The following PCDHGA4 variants were observed in gnomAD, a reference collection of about 807,000 sequenced individuals.
PCDHGA4 encodes protocadherin gamma-A4.
A neutral mutation model predicts 54.6 loss-of-function variants in PCDHGA4; 38 were observed. The ratio of observed to expected loss-of-function variants is 0.70; its 90% confidence interval spans 0.54 to 0.91. PCDHGA4 has a LOEUF of 0.91. PCDHGA4 is among the 40% of genes least tolerant of loss of function. The pLI is 0.00. For missense variants in PCDHGA4, 1,298 were observed against 1,220.9 expected (o/e 1.06, Z -0.94); for synonymous variants, 511 against 512.9 (o/e 1.00, Z 0.05).
Position 141,365,604 on chromosome 5 carries a change from T to C in PCDHGA4, c.2514+7983T>C, listed in dbSNP as rs370603640. The stretch of plus-strand genomic sequence containing the variant: ...GATTATAATATCACTTTAACCGTCA[T>C]GGACCATGGAACCCCGCCCCTCTCT... On this transcript the variant is annotated intron_variant, in intron 1 of 3. Transcript: ENST00000571252. 2.4e-5 allele frequency: 39 copies of C among 1,613,554 alleles called. No homozygotes were observed. Among genetic ancestry groups the C allele is most frequent in the Non-Finnish European group, 3.0e-5 (35 of 1,179,904 alleles).
chr5:141,489,713 A>G lies in PCDHGA4; in HGVS notation c.2515-5094A>G. On this transcript the variant is annotated intron_variant, in intron 1 of 3. Coordinates refer to ENST00000571252, the MANE Select transcript of PCDHGA4 (RefSeq NM_018917.4). The surrounding 1 kb of genome is among the most constrained non-coding windows in gnomAD (Gnocchi z 4.5). The stretch of plus-strand genomic sequence containing the variant: ...GCACGATTCCCACTGGACAGTGCCC[A>G]GGATCCGGATGTGGGCACCAATACT... 1.9e-6 allele frequency: 3 copies of G among 1,614,162 alleles called. No individual in the cohort carries two copies. The highest frequency in any genetic ancestry group is 2.5e-6 in the Non-Finnish European group (3 of 1,179,968).
At chr5:141,360,660 C>G in intron 1 of PCDHGA4, 1 of 1,613,968 alleles carries the variant, frequency 6.2e-7, no homozygotes, top group Non-Finnish European at 8.5e-7. Context: ...TTAATGACAA[C>G]GAGTACTTTG....
chr5:141,475,542 G>A (rs1182059354), intron 1 of PCDHGA4, among the ~76,000 whole-genome samples: 1 of 152,174 alleles, frequency 6.6e-6, no homozygotes, highest in East Asian at 1.9e-4. Flanking sequence ...TTACAAGTAG[G>A]GTCCGGCTAA....
intron 1 of PCDHGA4, chr5:141,392,800 G>T (rs1394780689): frequency 6.4e-7 from 1 of 1,570,722 alleles, no homozygotes; most frequent in African/African-American, 1.4e-5. Context: ...AGAGGATTCT[G>T]CAGCAAAACA....
chr5:141,500,184 T>TTTTATTTA (rs58019021), intron 2 of PCDHGA4, among the ~76,000 whole-genome samples: 1,392 of 135,954 alleles, frequency 0.01, 12 homozygotes, highest in South Asian at 0.02. Flanking sequence ...TCATTTTTAT[T>TTTTATTTA]TTTATTTATT....
At position 141,432,181 on chromosome 5, in the gene PCDHGA4, G is replaced by A. The variant is rs1443322706; in HGVS notation, c.2515-62626G>A. 3.7e-6 allele frequency: 6 copies of A among 1,614,116 alleles called. No homozygotes were observed. In the South Asian group the frequency reaches 6.6e-5, roughly 18 times the overall value. On this transcript the variant is annotated intron_variant, in intron 1 of 3. Coordinates refer to ENST00000571252, the MANE Select transcript of PCDHGA4 (RefSeq NM_018917.4). This position sits in a 1 kb window ranked among gnomAD's most constrained non-coding sequence, Gnocchi z 6.0. ...CCAGAGGAGTTTCCCTCGTCTCTGTGACCGCCCACGACCCCGACTGTGAAG... is the reference window on the plus strand; with the variant it reads ...CCAGAGGAGTTTCCCTCGTCTCTGTAACCGCCCACGACCCCGACTGTGAAG...
rs1264130543 is a variant in PCDHGA4 at position 141,485,467 on chromosome 5, C to T, written c.2515-9340C>T. 2 of 1,614,112 alleles carry T rather than the reference C, an allele frequency of 1.2e-6. No homozygotes were observed. The highest frequency in any genetic ancestry group is 1.7e-6 in the Non-Finnish European group (2 of 1,180,024). On this transcript the variant is annotated intron_variant, in intron 1 of 3. Transcript: ENST00000571252. The surrounding 1 kb of genome is among the most constrained non-coding windows in gnomAD (Gnocchi z 5.7). ...TCGACCGAGAGGCACTGTGTGGGCT[C>T]AGTGCCAGCTGCATCGTGCCCCTGG... is the stretch of plus-strand genomic sequence containing the variant.
intron 1 of PCDHGA4, chr5:141,428,212 C>A (rs1295973505): frequency 8.0e-7 from 1 of 1,255,000 alleles, no homozygotes; most frequent in Non-Finnish European, 1.1e-6. Context: ...TACGCTTCAC[C>A]TAGTCTTCGC....
chr5:141,458,848 T>C (rs1044462303), intron 1 of PCDHGA4, among the ~76,000 whole-genome samples: 1 of 152,182 alleles, frequency 6.6e-6, no homozygotes, highest in Non-Finnish European at 1.5e-5. Flanking sequence ...TCCTCCCACC[T>C]CAGCCTTCCA....
intron 1 of PCDHGA4, among the ~76,000 whole-genome samples, chr5:141,450,022 T>TTTTC: frequency 6.7e-6 from 1 of 149,424 alleles, no homozygotes; most frequent in Admixed American, 6.7e-5. Context: ...TTTTTTTTTT[T>TTTTC]TTGAGACAGG....
chr5:141,365,099 G>A (rs767635242), intron 1 of PCDHGA4: 1 of 1,613,850 alleles, frequency 6.2e-7, no homozygotes, highest in East Asian at 2.2e-5. Flanking sequence ...GAACATACCT[G>A]TGGGCACTCG....
intron 1 of PCDHGA4, among the ~76,000 whole-genome samples, chr5:141,480,895 A>G (rs1275670492): frequency 6.6e-6 from 1 of 152,048 alleles, no homozygotes; most frequent in African/African-American, 2.4e-5. Flanking sequence ...AAATGCAAAC[A>G]TTAGCTGGGC....
intron 1 of PCDHGA4, among the ~76,000 whole-genome samples, chr5:141,482,057 C>A (rs2099551189): frequency 6.7e-6 from 1 of 149,978 alleles, no homozygotes; most frequent in Non-Finnish European, 1.5e-5. Flanking sequence ...TGCATTCCAG[C>A]CTGGGCAACA....
At chr5:141,408,927 T>C (rs1220361067) in intron 1 of PCDHGA4, 5 of 1,613,512 alleles carry the variant, frequency 3.1e-6, no homozygotes, top group African/African-American at 1.3e-5. Context: ...CCCCCGGTTT[T>C]CAGCAGAGAC....
At chr5:141,371,430 G>C in intron 1 of PCDHGA4, 1 of 1,613,962 alleles carries the variant, frequency 6.2e-7, no homozygotes, top group South Asian at 1.1e-5. Flanking sequence ...CAATGCCCCG[G>C]AGATAACCCT....
chr5:141,409,750 G>T, intron 1 of PCDHGA4: 1 of 1,613,016 alleles, frequency 6.2e-7, no homozygotes, highest in South Asian at 1.1e-5. Context: ...TGGTGTTCGC[G>T]CAGCGCGCCT....
chr5:141,374,154 G>C (rs376984494), intron 1 of PCDHGA4: 38 of 1,611,790 alleles, frequency 2.4e-5, no homozygotes, highest in Admixed American at 8.4e-5. Flanking sequence ...GGGACGCTGT[G>C]GGGGGCCGCG....
At chr5:141,360,809 C>T (rs745788999) in intron 1 of PCDHGA4, 7 of 1,613,800 alleles carry the variant, frequency 4.3e-6, no homozygotes, top group African/African-American at 2.7e-5. Flanking sequence ...CAAAGTGGCA[C>T]GACCCAAATC....
chr5:141,502,039 G>T (rs2099812498), intron 2 of PCDHGA4, among the ~76,000 whole-genome samples: 1 of 152,126 alleles, frequency 6.6e-6, no homozygotes, highest in South Asian at 2.1e-4. Context: ...CCGCTTGCCT[G>T]CTCTCCCTAC....
Sources: gnomAD v4.1 joint callset for allele counts (sites outside exome capture counted in the v4.1 genomes callset) on GRCh38, gnomAD v4.1.1 for gene constraint, Gnocchi (gnomAD v3.1) non-coding constraint, MANE v1.5 for transcripts, NCBI Gene and HGNC (gene_info 2026-07-23, HGNC 2026-07-21) for gene names.